The following LAMB1 variants were observed in gnomAD, a reference collection of about 807,000 sequenced individuals.
The protein encoded by LAMB1 is laminin subunit beta-1.
In LAMB1, 121 loss-of-function variants were observed where a neutral mutation model predicts 222.3. That is an observed-to-expected ratio of 0.54 (90% confidence interval 0.47 to 0.63). The LOEUF (loss-of-function observed/expected upper bound fraction) is 0.63. LAMB1 is among the 30% of genes least tolerant of loss of function. The pLI is 0.00. For missense variants in LAMB1, 2,172 were observed against 2,240.8 expected (o/e 0.97, Z 0.62); for synonymous variants, 794 against 807.2 (o/e 0.98, Z 0.28).
chr7:107,950,638 C>G (rs1047422712), intron 24 of LAMB1, among the ~76,000 whole-genome samples: 1 of 152,048 alleles, frequency 6.6e-6, no homozygotes, highest in Non-Finnish European at 1.5e-5. Context: ...ACCTTGGAGC[C>G]CTTTGTTGTG....
Position 107,961,619 on chromosome 7 carries a change from T to G in LAMB1, c.1915A>C (p.Thr639Pro), listed in dbSNP as rs200875581. The G allele has an allele frequency of 1.2e-6, 2 of 1,614,148 alleles. No individual in the cohort carries two copies. The highest frequency in any genetic ancestry group is 3.3e-5 in the Admixed American group (2 of 60,032). Residue 639 changes from threonine to proline, a missense_variant, in exon 16 of 34, where the codon ACC (threonine) becomes CCC (proline). By Grantham distance (38) the Thr-to-Pro change is conservative (BLOSUM62 -1). Coordinates refer to ENST00000222399, the MANE Select transcript of LAMB1 (RefSeq NM_002291.3). ...ITVQRPGRIP[T>P]SSRCGNTIPD... ...ATGGTATTACCACATCGGCTGCTGG[T>G]TGGAATCCTTCCAGGTCGCTGCACT...
At chr7:107,961,698 G>A in intron 15 of LAMB1, 22 bp from the exon 16 acceptor site, 1 of 1,605,502 alleles carries the variant, frequency 6.2e-7, no homozygotes, top group East Asian at 2.2e-5. Flanking sequence ...AACAAACAAT[G>A]AAAAGATAGT....
rs7809772 is a variant in LAMB1, at chr7:108,002,171, G to A, written c.38-438C>T. 9.8e-3 allele frequency: 13,938 copies of A among 1,418,914 alleles called. 1,028 individuals are homozygous for A. The African/African-American group carries it at 0.17, about 17-fold the overall frequency. 87.9% of individuals were successfully genotyped at this position (1,418,914 alleles called of 1,614,324 possible). A position where few individuals can be genotyped will look rare whatever the true frequency, so the allele number is the denominator to read the frequency against. ...TGCACGCGGCAGCCCGCGCATCCTC[G>A]GTGTGAGTGTGCGCGTGGAGATCTG... On this transcript the variant is annotated intron_variant, in intron 2 of 33. Transcript: ENST00000222399.
Position 107,980,622 on chromosome 7 carries a change from TC to T in LAMB1, c.865del (p.Glu289LysfsTer19). 1 of 1,613,930 alleles carries T rather than the reference TC, an allele frequency of 6.2e-7. No individual in the cohort carries two copies. Among genetic ancestry groups the T allele is most frequent in the Non-Finnish European group, 8.5e-7 (1 of 1,179,894 alleles). On this transcript the variant is annotated frameshift_variant, in exon 8 of 34. Coordinates refer to ENST00000222399, the MANE Select transcript of LAMB1 (RefSeq NM_002291.3). LOFTEE classifies it high-confidence loss of function. ...ECAPVDGFNE[E>X]VEGMVHGHCM... is the part of the protein sequence containing the mutation. ...GGGCTTACTTACCATTCCTTCCACT[TC>T]TTCATTGAATCCATCCACAGGGGCA...
Position 107,932,308 on chromosome 7 carries a change from C to T in LAMB1, c.4258G>A (p.Glu1420Lys), listed in dbSNP as rs564358099. Residue 1420 changes from glutamate (E) to lysine (K), a missense_variant, in exon 28 of 34, where the codon GAA (glutamate) becomes AAA (lysine). Transcript: ENST00000222399. ...ECGGPNCRTD[E>K]GERKCGGPGC... ...GGCCCCCCACACTTCCTCTCTCCTTCGTCAGTTCTGCAGTTTGGCCCGCCA... is the reference window on the plus strand; with the variant it reads ...GGCCCCCCACACTTCCTCTCTCCTTTGTCAGTTCTGCAGTTTGGCCCGCCA... 26 of 1,614,084 alleles carry T rather than the reference C, an allele frequency of 1.6e-5. No individual in the cohort carries two copies. Among genetic ancestry groups the T allele is most frequent in the East Asian group, 4.5e-5 (2 of 44,892 alleles).
chr7:107,964,637 C>T lies in LAMB1; in HGVS notation c.1613G>A (p.Arg538His), dbSNP rs138019069. Residue 538 changes from arginine (R) to histidine (H), a missense_variant, in exon 14 of 34, where the codon CGT becomes CAT. Arg to His is a conservative substitution (Grantham distance 29). Coordinates refer to ENST00000222399, the MANE Select transcript of LAMB1 (RefSeq NM_002291.3). ...ACCAGGTTCCACTTCGTTGCACTGA[C>T]GTCCAATCATGTGAGGCCGGCATGA... ...QCSCRPHMIG[R>H]QCNEVEPGYY... 3.6e-5 allele frequency: 58 copies of T among 1,613,994 alleles called. No homozygotes were observed. The highest frequency in any genetic ancestry group is 4.5e-5 in the East Asian group (2 of 44,888).
At chr7:107,939,003 T>C (rs1464952108) in intron 25 of LAMB1, among the ~76,000 whole-genome samples, 1 of 152,152 alleles carries the variant, frequency 6.6e-6, no homozygotes, top group Non-Finnish European at 1.5e-5. Flanking sequence ...GATTAAAGTC[T>C]CATCACACAC....
chr7:107,964,584 G>A lies in LAMB1; in HGVS notation c.1666C>T (p.Leu556Phe), dbSNP rs534982664. 5 of 1,614,186 alleles carry A rather than the reference G, an allele frequency of 3.1e-6. No homozygotes were observed. In the South Asian group the frequency reaches 5.5e-5, roughly 18 times the overall value. Residue 556 changes from leucine to phenylalanine, a missense_variant, in exon 14 of 34, where the codon CTC becomes TTC. Physicochemically the swap from Leu to Phe is conservative, Grantham distance 22. Transcript: ENST00000222399. ...GYYFATLDHY[L>F]YEAEEANLGP... ...AAGTTGGCTTCCTCCGCTTCATAGA[G>A]GTAGTGATCCAGGGTGGCAAAGTAG...
chr7:107,975,500 A>G (rs2033834567), intron 10 of LAMB1, 87 bp from the exon 11 acceptor site: 1 of 1,365,658 alleles, frequency 7.3e-7, no homozygotes, highest in South Asian at 1.5e-5. Context: ...TCCTCCCTCT[A>G]AATCTCACAA....
At chr7:107,994,264 T>TA (rs1341012502) in intron 5 of LAMB1, among the ~76,000 whole-genome samples, 1 of 152,240 alleles carries the variant, frequency 6.6e-6, no homozygotes, top group Non-Finnish European at 1.5e-5. Flanking sequence ...GGAGTCATTT[T>TA]ACATCTCTCA....
At chr7:107,927,021 G>A (rs547754289) in intron 31 of LAMB1, among the ~76,000 whole-genome samples, 1 of 152,274 alleles carries the variant, frequency 6.6e-6, no homozygotes, top group East Asian at 1.9e-4. Flanking sequence ...GCCAAAGTAA[G>A]CAGTTGAGCC....
At chr7:107,969,766 C>T (rs773244955) in intron 13 of LAMB1, among the ~76,000 whole-genome samples, 1 of 152,174 alleles carries the variant, frequency 6.6e-6, no homozygotes, top group Non-Finnish European at 1.5e-5. Flanking sequence ...ATACCATAGG[C>T]AATTGTAACA....
intron 25 of LAMB1, among the ~76,000 whole-genome samples, chr7:107,939,528 G>A (rs1476928191): frequency 6.6e-6 from 1 of 152,092 alleles, no homozygotes; most frequent in Non-Finnish European, 1.5e-5. Flanking sequence ...CAATCCTGTT[G>A]TTATTTTATA....
rs866455382 is a variant in LAMB1, at chr7:107,928,209, C to A, written c.4887+855G>T. ...GAGTACTTTTAATATCTGGTAGTCA[C>A]AGTATATTTCTTATAAAAAACATTA... On this transcript the variant is annotated intron_variant, in intron 31 of 33. Coordinates refer to ENST00000222399, the MANE Select transcript of LAMB1 (RefSeq NM_002291.3). 3.9e-5 allele frequency among the ~76,000 whole-genome samples: 6 copies of A among 152,270 alleles called. No individual in the cohort carries two copies. In the South Asian group the frequency reaches 1.2e-3, roughly 32 times the overall value.
rs553483140 is a variant in LAMB1, at chr7:107,975,528, C to T, written c.1190-115G>A. The T allele has an allele frequency of 1.7e-5, 21 of 1,249,456 alleles. No homozygotes were observed. In the East Asian group the frequency reaches 4.5e-4, roughly 27 times the overall value. The allele number at this position is 1,249,456 out of a possible 1,614,324, so 77.4% of individuals were successfully genotyped here. On this transcript the variant is annotated intron_variant, in intron 10 of 33. Transcript: ENST00000222399. ...TCTCACAAAAGTCGACTAAAAGCAG[C>T]ACAACTACCAAGTAAATTCCACTCC...
At position 107,975,328 on chromosome 7, in the gene LAMB1, C is replaced by A; in HGVS notation, c.1275G>T (p.Gln425His). The change falls in exon 11 of 34, where the codon CAG becomes CAT. Residue 425 changes from glutamine to histidine, a missense_variant. Gln to His is a conservative substitution (Grantham distance 24). Coordinates refer to ENST00000222399, the MANE Select transcript of LAMB1 (RefSeq NM_002291.3). ...TDFSTGLIAG[Q>H]CRCKLNVEGE... ...CTTCCACATTTAATTTACACCGACACTGGCCAGCAATGAGACCAGTAGAAA... is the reference window on the plus strand; with the variant it reads ...CTTCCACATTTAATTTACACCGACAATGGCCAGCAATGAGACCAGTAGAAA... 6.2e-7 allele frequency: 1 copy of A among 1,614,072 alleles called. No individual in the cohort carries two copies. The highest frequency in any genetic ancestry group is 8.5e-7 in the Non-Finnish European group (1 of 1,179,948).
intron 15 of LAMB1, among the ~76,000 whole-genome samples, chr7:107,962,584 C>G (rs1205882151): frequency 6.6e-6 from 1 of 151,764 alleles, no homozygotes; most frequent in Non-Finnish European, 1.5e-5. Context: ...CATGGTGGCG[C>G]ATGCCTGTAA....
At position 107,980,638 on chromosome 7, in the gene LAMB1, C is replaced by T. The variant is rs755465184; in HGVS notation, c.850G>A (p.Asp284Asn). ...YGHASECAPV[D>N]GFNEEVEGMV... ...CCTTCCACTTCTTCATTGAATCCAT[C>T]CACAGGGGCACATTCGCTGGCATGA... Residue 284 changes from aspartate to asparagine, a missense_variant, in exon 8 of 34, where the codon GAT becomes AAT. Coordinates refer to ENST00000222399, the MANE Select transcript of LAMB1 (RefSeq NM_002291.3). The T allele has an allele frequency of 3.1e-6, 5 of 1,614,106 alleles. No homozygotes were observed. The Admixed American group carries it at 6.7e-5, about 22-fold the overall frequency.
intron 20 of LAMB1, among the ~76,000 whole-genome samples, chr7:107,957,390 C>G (rs1448015653): frequency 6.6e-6 from 1 of 151,868 alleles, no homozygotes; most frequent in Non-Finnish European, 1.5e-5. Flanking sequence ...GACTCCATCT[C>G]AAAACAAACA....
Sources: gnomAD v4.1 joint callset for allele counts (sites outside exome capture counted in the v4.1 genomes callset) on GRCh38, gnomAD v4.1.1 for gene constraint, MANE v1.5 for transcripts, NCBI Gene and HGNC (gene_info 2026-07-23, HGNC 2026-07-21) for gene names.